The following KCNQ1 variants were observed in gnomAD, a reference collection of about 807,000 sequenced individuals.
The protein encoded by KCNQ1 is potassium voltage-gated channel subfamily Q member 1.
In KCNQ1, 49 loss-of-function variants were observed where a neutral mutation model predicts 72.4. That is an observed-to-expected ratio of 0.68 (90% CI 0.54 to 0.86). KCNQ1 has a LOEUF of 0.86. KCNQ1 is among the 40% of genes least tolerant of loss of function. KCNQ1 has a pLI of 0.00. For synonymous variants in KCNQ1, 450 were observed against 412.6 expected, an observed-to-expected ratio of 1.09 and a Z score of -1.10; for missense variants, 790 against 945.1, an observed-to-expected ratio of 0.84 and a Z score of 2.15.
intron 11 of KCNQ1, among the ~76,000 whole-genome samples, chr11:2,718,159 G>A (rs1210401667): frequency 1.3e-5 from 2 of 152,170 alleles, no homozygotes; most frequent in Non-Finnish European, 2.9e-5. Flanking sequence ...GGGGAGCTGA[G>A]AGCCCCACTG....
At chr11:2,786,362 G>A (rs1846913466) in intron 15 of KCNQ1, among the ~76,000 whole-genome samples, 1 of 152,130 alleles carries the variant, frequency 6.6e-6, no homozygotes, top group Admixed American at 6.5e-5. Flanking sequence ...CTGCCTTTAA[G>A]ATCTTTCCTT....
In KCNQ1 at chr11:2,803,162, C is replaced by A. The variant is rs1008135777; in HGVS notation, c.1794+25125C>A. Among the ~76,000 whole-genome samples the A allele has an allele frequency of 9.8e-6, 1 of 102,264 alleles. No homozygotes were observed. Among genetic ancestry groups the A allele is most frequent in the Non-Finnish European group, 1.9e-5 (1 of 53,360 alleles). 67.1% of individuals were successfully genotyped at this position (102,264 alleles called of 152,430 possible). A position where few individuals can be genotyped will look rare whatever the true frequency, so the allele number is the denominator to read the frequency against. ...CCAGAAAACCCAGCCGGGCCCCCCC[C>A]CCCACGGGCACCCAGGAACCGCCCT... is the stretch of plus-strand genomic sequence containing the variant. On this transcript the variant is annotated intron_variant, in intron 15 of 15. Transcript: ENST00000155840. The surrounding 1 kb of genome is among the most constrained non-coding windows in gnomAD (Gnocchi z 6.4).
intron 10 of KCNQ1, chr11:2,618,652 G>T: frequency 2.5e-6 from 1 of 398,498 alleles, no homozygotes; most frequent in South Asian, 1.3e-4. Context: ...TTTCAGAACA[G>T]AATTTTCAGA....
chr11:2,527,987 C>T lies in KCNQ1; in HGVS notation c.446C>T (p.Ala149Val), dbSNP rs867900631. 6.2e-7 allele frequency: 1 copy of T among 1,613,986 alleles called. No homozygotes were observed. Among genetic ancestry groups the T allele is most frequent in the Non-Finnish European group, 8.5e-7 (1 of 1,179,968 alleles). ...GTGCTGTCCACCATCGAGCAGTATG[C>T]CGCCCTGGCCACGGGGACTCTCTTC... is the stretch of plus-strand genomic sequence containing the variant. The part of the protein sequence containing the change: ...FSVLSTIEQY[A>V]ALATGTLFWM... Residue 149 changes from alanine (A) to valine (V), a missense_variant, in exon 2 of 16, where the codon GCC becomes GTC. Physicochemically the swap from Ala to Val is moderately conservative, Grantham distance 64. Around this residue, in one of 5 missense-constraint regions of KCNQ1, gnomAD observed 294 missense variants for 323.3 expected, o/e 0.91. Transcript: ENST00000155840.
chr11:2,578,232 T>C (rs1189244228), intron 6 of KCNQ1, among the ~76,000 whole-genome samples: 1 of 151,942 alleles, frequency 6.6e-6, no homozygotes, highest in Non-Finnish European at 1.5e-5. Flanking sequence ...GAAACTGAGG[T>C]ACAGAACATG....
chr11:2,640,481 G>T, intron 10 of KCNQ1: 1 of 398,116 alleles, frequency 2.5e-6, no homozygotes, highest in Non-Finnish European at 4.4e-6. Context: ...AGACAGGGTC[G>T]TGCATTGTTG....
At chr11:2,835,067 C>T (rs1162261252) in intron 15 of KCNQ1, among the ~76,000 whole-genome samples, 4 of 152,134 alleles carry the variant, frequency 2.6e-5, no homozygotes, top group Non-Finnish European at 5.9e-5. Context: ...GAGGGCGGCC[C>T]TGTCCTGGGT....
At chr11:2,609,813 C>G (rs527494912) in intron 10 of KCNQ1, 4 of 398,024 alleles carry the variant, frequency 1.0e-5, no homozygotes, top group African/African-American at 8.2e-5. Context: ...TTAAAATCTC[C>G]TTTGACTTTA....
Position 2,824,187 on chromosome 11 carries a change from G to A in KCNQ1, c.1795-23580G>A, listed in dbSNP as rs552059600. On this transcript the variant is annotated intron_variant, in intron 15 of 15. Coordinates refer to ENST00000155840, the MANE Select transcript of KCNQ1 (RefSeq NM_000218.3). This position sits in a 1 kb window ranked among gnomAD's most constrained non-coding sequence, Gnocchi z 5.9. ...CATGGATAACTAACTCTTCCAGCAA[G>A]AGCCACCCCCTGGCTGAAGTGTGAG... is the stretch of plus-strand genomic sequence containing the variant. Among the ~76,000 whole-genome samples, 12 of 152,134 alleles carry A rather than the reference G, an allele frequency of 7.9e-5. No individual in the cohort carries two copies. The highest frequency in any genetic ancestry group is 3.9e-4 in the East Asian group (2 of 5,164).
intron 11 of KCNQ1, chr11:2,680,607 T>A: frequency 2.5e-6 from 1 of 398,558 alleles, no homozygotes; most frequent in Admixed American, 4.4e-5. Flanking sequence ...AGTAACATCT[T>A]GCAAAACTGT....
rs149039886 is a variant in KCNQ1, at chr11:2,656,446, T to C, written c.1394-5515T>C. On this transcript the variant is annotated intron_variant, in intron 10 of 15. Transcript: ENST00000155840. ...CCTTCTCCTGGCTGTGACTAAGTAA[T>C]GTCTGTGTGGTTTCCTGCTGGAAGT... is the stretch of plus-strand genomic sequence containing the variant. The C allele has an allele frequency of 3.9e-3, 1,567 of 398,682 alleles. 5 individuals are homozygous for C. Among genetic ancestry groups the C allele is most frequent in the Non-Finnish European group, 5.8e-3 (1,306 of 226,100 alleles). The allele number at this position is 398,682 out of a possible 1,614,324, so 24.7% of individuals were successfully genotyped here. A position where few individuals can be genotyped will look rare whatever the true frequency, so the allele number is the denominator to read the frequency against.
At chr11:2,684,613 A>G (rs1335378100) in intron 11 of KCNQ1, 2 of 398,408 alleles carry the variant, frequency 5.0e-6, no homozygotes, top group South Asian at 1.3e-4. Flanking sequence ...GTGGCCCTGG[A>G]TTTGAGGCTA....
At chr11:2,758,535 C>T (rs545766442) in intron 11 of KCNQ1, among the ~76,000 whole-genome samples, 35 of 152,248 alleles carry the variant, frequency 2.3e-4, no homozygotes, top group Non-Finnish European at 4.3e-4. Context: ...CCACACATCC[C>T]GGCAACTGAA....
chr11:2,669,326 C>T lies in KCNQ1; in HGVS notation c.1514+7245C>T. 1 of 398,652 alleles carries T rather than the reference C, an allele frequency of 2.5e-6. No individual in the cohort carries two copies. The highest frequency in any genetic ancestry group is 4.4e-6 in the Non-Finnish European group (1 of 226,072). The allele number at this position is 398,652 out of a possible 1,614,324, so 24.7% of individuals were successfully genotyped here. A position where few individuals can be genotyped will look rare whatever the true frequency, so the allele number is the denominator to read the frequency against. ...TGCCAGTTGCCATGGAAAGCCTCCT[C>T]TAGGCGCAGCAGCCTCTAGATGGGC... On this transcript the variant is annotated intron_variant, in intron 11 of 15. Transcript: ENST00000155840. The surrounding 1 kb of genome is among the most constrained non-coding windows in gnomAD (Gnocchi z 5.6).
rs1390462165 is a variant in KCNQ1 at position 2,462,249 on chromosome 11, C to CA, written c.386+16767dup. 6.6e-6 allele frequency among the ~76,000 whole-genome samples: 1 copy of CA among 152,150 alleles called. No homozygotes were observed. Among genetic ancestry groups the CA allele is most frequent in the Non-Finnish European group, 1.5e-5 (1 of 68,012 alleles). On this transcript the variant is annotated intron_variant, in intron 1 of 15. Coordinates refer to ENST00000155840, the MANE Select transcript of KCNQ1 (RefSeq NM_000218.3). This position sits in a 1 kb window ranked among gnomAD's most constrained non-coding sequence, Gnocchi z 8.2. ...GCTGTTCTTGGGGCTGCCAGGCCTG[C>CA]AAGGTAGACAGGCCTCTGGACTTGA...
In KCNQ1 at chr11:2,648,515, A is replaced by G. The variant is rs567518340; in HGVS notation, c.1394-13446A>G. On this transcript the variant is annotated intron_variant, in intron 10 of 15. Coordinates refer to ENST00000155840, the MANE Select transcript of KCNQ1 (RefSeq NM_000218.3). ...AAGAATTTTTAAATTTTTAAAATCAATTTCTTCATAGACACAGTGGTCATT... is the reference window on the plus strand; with the variant it reads ...AAGAATTTTTAAATTTTTAAAATCAGTTTCTTCATAGACACAGTGGTCATT... 57 of 398,444 alleles carry G rather than the reference A, an allele frequency of 1.4e-4. No individual in the cohort carries two copies. In the South Asian group the frequency reaches 6.9e-3, roughly 48 times the overall value. The allele number at this position is 398,444 out of a possible 1,614,324, so 24.7% of individuals were successfully genotyped here. A position where few individuals can be genotyped will look rare whatever the true frequency, so the allele number is the denominator to read the frequency against.
rs1264674444 is a variant in KCNQ1 at position 2,695,999 on chromosome 11, T to C, written c.1514+33918T>C. The C allele has an allele frequency of 3.3e-5, 13 of 398,536 alleles. No individual in the cohort carries two copies. The East Asian group carries it at 4.6e-4, about 14-fold the overall frequency. The allele number at this position is 398,536 out of a possible 1,614,324, so 24.7% of individuals were successfully genotyped here. A position where few individuals can be genotyped will look rare whatever the true frequency, so the allele number is the denominator to read the frequency against. Reference sequence around the variant, plus strand: ...ATCTTGTAATGAGTCATGGCAAAGTTACATTCATGAGTGTAAAAGTGAAAA... The same window carrying C: ...ATCTTGTAATGAGTCATGGCAAAGTCACATTCATGAGTGTAAAAGTGAAAA... On this transcript the variant is annotated intron_variant, in intron 11 of 15. Transcript: ENST00000155840. This position sits in a 1 kb window ranked among gnomAD's most constrained non-coding sequence, Gnocchi z 5.2.
chr11:2,455,341 A>G (rs571630085), intron 1 of KCNQ1, among the ~76,000 whole-genome samples: 48 of 152,156 alleles, frequency 3.2e-4, no homozygotes, highest in East Asian at 1.7e-3. Flanking sequence ...CTTGTGATCC[A>G]CCCGCCTTGG....
At position 2,593,784 on chromosome 11, in the gene KCNQ1, A is replaced by G. The variant is rs1217177853; in HGVS notation, c.1393+4930A>G. Among the ~76,000 whole-genome samples the G allele has an allele frequency of 1.3e-5, 2 of 152,088 alleles. No individual in the cohort carries two copies. Among genetic ancestry groups the G allele is most frequent in the African/African-American group, 4.8e-5 (2 of 41,394 alleles). On this transcript the variant is annotated intron_variant, in intron 10 of 15. Transcript: ENST00000155840. This position sits in a 1 kb window ranked among gnomAD's most constrained non-coding sequence, Gnocchi z 6.9. ...CTCCCGGCTCCGCGTCCTCAGCCCA[A>G]CACACCAAGCCTGGCCTTTCATGCA... is the stretch of plus-strand genomic sequence containing the variant.
Sources: gnomAD v4.1 joint callset for allele counts (sites outside exome capture counted in the v4.1 genomes callset) on GRCh38, gnomAD v4.1.1 for gene constraint, gnomAD v4.1.1 regional missense constraint, Gnocchi (gnomAD v3.1) non-coding constraint, MANE v1.5 for transcripts, NCBI Gene and HGNC (gene_info 2026-07-23, HGNC 2026-07-21) for gene names.